JAK3: variants seen among roughly 807,000 people sequenced by gnomAD.
JAK3 encodes Janus kinase 3.
In JAK3, 88 loss-of-function variants were observed where a neutral mutation model predicts 120.8. The ratio of observed to expected loss-of-function variants is 0.73; its 90% CI spans 0.61 to 0.87. JAK3 has a LOEUF of 0.87. Ranked by LOEUF, JAK3 falls within the 40% of genes least tolerant of loss-of-function variation. JAK3 has a pLI of 0.00. For missense variants in JAK3, 1,254 were observed against 1,501.4 expected, an observed-to-expected ratio of 0.84 and a Z score of 2.72; for synonymous variants, 592 against 628.6, an observed-to-expected ratio of 0.94 and a Z score of 0.87.
chr19:17,828,225 CTTTGTTTTGTTTTGTTTTGT>C lies in JAK3; in HGVS notation c.3208-1335_3208-1316del, dbSNP rs71967621. Among the ~76,000 whole-genome samples the C allele has an allele frequency of 3.1e-3, 432 of 137,540 alleles. 3 individuals are homozygous for C. Among genetic ancestry groups the C allele is most frequent in the East Asian group, 0.015 (67 of 4,614 alleles). The allele number at this position is 137,540 out of a possible 152,430, so 90.2% of individuals were successfully genotyped here. A position where few individuals can be genotyped will look rare whatever the true frequency, so the allele number is the denominator to read the frequency against. On this transcript the variant is annotated intron_variant, in intron 23 of 23. Transcript: ENST00000458235. ...GCACTTATCACTACCATAATTTTGT[CTTTGTTTTGTTTTGTTTTGT>C]TTTGTTTTGTTTTGTTTTGTTTTGT...
Position 17,842,070 on chromosome 19 carries a change from C to A in JAK3, c.861+246G>T, listed in dbSNP as rs1471825274. On this transcript the variant is annotated intron_variant, in intron 6 of 23. Transcript: ENST00000458235. This position sits in a 1 kb window ranked among gnomAD's most constrained non-coding sequence, Gnocchi z 6.4. ...GCCTCTTAGTCTTGCCTCGTTCCAG[C>A]GCCCACCCACCCACTCCTCAACCCC... Among the ~76,000 whole-genome samples, 2 of 151,828 alleles carry A rather than the reference C, an allele frequency of 1.3e-5. No individual in the cohort carries two copies. The highest frequency in any genetic ancestry group is 2.9e-5 in the Non-Finnish European group (2 of 67,962).
chr19:17,837,935 C>T lies in JAK3; in HGVS notation c.1698G>A (p.Met566Ile). 1 of 1,614,062 alleles carries T rather than the reference C, an allele frequency of 6.2e-7. No homozygotes were observed. Reference protein sequence around the residue: ...KVMDAKHKNCMESFLEAASLM... With the variant: ...KVMDAKHKNCIESFLEAASLM... ...GTCTGGTCCACATTGCTCTCACCTC[C>T]ATGCAGTTCTTGTGCTTGGCATCCA... is the stretch of plus-strand genomic sequence containing the variant. Residue 566 changes from methionine to isoleucine, a missense_variant, in exon 12 of 24, where the codon ATG becomes ATA. Around this residue, in one of 3 missense-constraint regions of JAK3, gnomAD observed 630 missense variants for 819.8 expected, o/e 0.77. Coordinates refer to ENST00000458235, the MANE Select transcript of JAK3 (RefSeq NM_000215.4).
rs760856974 is a variant in JAK3 at position 17,827,717 on chromosome 19, T to TAAAAAA, written c.3208-813_3208-808dup. Among the ~76,000 whole-genome samples the TAAAAAA allele has an allele frequency of 1.3e-3, 99 of 77,680 alleles. 13 individuals are homozygous for TAAAAAA. Among genetic ancestry groups the TAAAAAA allele is most frequent in the African/African-American group, 1.7e-3 (29 of 16,780 alleles). 51.0% of individuals were successfully genotyped at this position (77,680 alleles called of 152,430 possible). Reference sequence around the variant, plus strand: ...CAACATGGAGAAACCCCATCTTAACTAAAAAAAAAAAAAAAAAAAAAAAAA... The same window carrying TAAAAAA: ...CAACATGGAGAAACCCCATCTTAACTAAAAAAAAAAAAAAAAAAAAAAAAAAAAAAA... On this transcript the variant is annotated intron_variant, in intron 23 of 23. Coordinates refer to ENST00000458235, the MANE Select transcript of JAK3 (RefSeq NM_000215.4).
In JAK3 at chr19:17,841,674, A is replaced by G. The variant is rs758841194; in HGVS notation, c.950T>C (p.Leu317Pro). ...GTTGTCTGTCCTGGTAACAGTGACC[A>G]GGCGGTGCTCTCCGGCCGGGCCAAC... ...PRVGPAGEHR[L>P]VTVTRTDNQI... The change falls in exon 7 of 24, where the codon CTG becomes CCG. Residue 317 changes from leucine (L) to proline (P), a missense_variant. Leu to Pro is a moderately conservative substitution (Grantham distance 98). This residue lies in a region of JAK3 where 486 missense variants were observed against 503.0 expected (regional missense o/e 0.97). Transcript: ENST00000458235. This position sits in a 1 kb window ranked among gnomAD's most constrained non-coding sequence, Gnocchi z 4.1. 1 of 1,613,998 alleles carries G rather than the reference A, an allele frequency of 6.2e-7. No individual in the cohort carries two copies.
chr19:17,830,283 C>T (rs2094211441), intron 22 of JAK3, 65 bp from the exon 23 acceptor site: 1 of 1,304,300 alleles, frequency 7.7e-7, no homozygotes, highest in South Asian at 1.3e-5. Context: ...GGAGGGGCCA[C>T]CCGTGGTGGG....
Position 17,841,329 on chromosome 19 carries a change from T to C in JAK3, c.1142+60A>G, listed in dbSNP as rs1041210664. The C allele has an allele frequency of 7.7e-5, 116 of 1,506,290 alleles. No individual in the cohort carries two copies. Among genetic ancestry groups the C allele is most frequent in the Admixed American group, 2.4e-4 (12 of 50,656 alleles). The allele number at this position is 1,506,290 out of a possible 1,614,324, so 93.3% of individuals were successfully genotyped here. A position where few individuals can be genotyped will look rare whatever the true frequency, so the allele number is the denominator to read the frequency against. ...CCTGGAAGGTGAGGACACTGAGGCA[T>C]AGAGAAGGGGAGGGGCCCTGAGTGG... On this transcript the variant is annotated intron_variant, in intron 8 of 23. Coordinates refer to ENST00000458235, the MANE Select transcript of JAK3 (RefSeq NM_000215.4). This position sits in a 1 kb window ranked among gnomAD's most constrained non-coding sequence, Gnocchi z 4.1.
rs1347294643 is a variant in JAK3, at chr19:17,842,507, C to A, written c.670G>T (p.Val224Leu). The A allele has an allele frequency of 5.6e-6, 9 of 1,596,028 alleles. No homozygotes were observed. Among genetic ancestry groups the A allele is most frequent in the East Asian group, 2.3e-5 (1 of 44,098 alleles). ...TGCCGGTCTGCCTGGCAGGCGGCCACGCGGCGCAGGGCTCTGCGCACCGTC... is the reference window on the plus strand; with the variant it reads ...TGCCGGTCTGCCTGGCAGGCGGCCAAGCGGCGCAGGGCTCTGCGCACCGTC... ...RRTVRRALRR[V>L]AACQADRHSL... Residue 224 changes from valine to leucine, a missense_variant, in exon 6 of 24, where the codon GTG becomes TTG. This residue lies in a region of JAK3 where 486 missense variants were observed against 503.0 expected (regional missense o/e 0.97). Coordinates refer to ENST00000458235, the MANE Select transcript of JAK3 (RefSeq NM_000215.4). The surrounding 1 kb of genome is among the most constrained non-coding windows in gnomAD (Gnocchi z 6.4).
Position 17,843,303 on chromosome 19 carries a change from C to T in JAK3, c.420+77G>A. On this transcript the variant is annotated intron_variant, in intron 4 of 23. Coordinates refer to ENST00000458235, the MANE Select transcript of JAK3 (RefSeq NM_000215.4). This position sits in a 1 kb window ranked among gnomAD's most constrained non-coding sequence, Gnocchi z 5.4. ...CCACAGGGAGGGTCAGACGAGGCCCCACCTGATTGCATGCCAGTCCTCATG... is the reference window on the plus strand; with the variant it reads ...CCACAGGGAGGGTCAGACGAGGCCCTACCTGATTGCATGCCAGTCCTCATG... 2 of 1,518,426 alleles carry T rather than the reference C, an allele frequency of 1.3e-6. No individual in the cohort carries two copies. Among genetic ancestry groups the T allele is most frequent in the Non-Finnish European group, 1.8e-6 (2 of 1,117,546 alleles). 94.1% of individuals were successfully genotyped at this position (1,518,426 alleles called of 1,614,324 possible).
chr19:17,826,120 A>G lies in JAK3; in HGVS notation c.*623T>C, dbSNP rs1432399889. ...AAAAAAAGCCTGGGTGCAGTGGCTC[A>G]TGCCTATTATTCCAACACTTTGGGA... On this transcript the variant is annotated 3_prime_UTR_variant, in exon 24 of 24. Coordinates refer to ENST00000458235, the MANE Select transcript of JAK3 (RefSeq NM_000215.4). 1 of 151,572 alleles carries G rather than the reference A, an allele frequency of 6.6e-6. No homozygotes were observed. Among genetic ancestry groups the G allele is most frequent in the Non-Finnish European group, 1.5e-5 (1 of 68,236 alleles). The allele number at this position is 151,572 out of a possible 1,614,324, so 9.4% of individuals were successfully genotyped here.
chr19:17,842,268 A>G lies in JAK3; in HGVS notation c.861+48T>C, dbSNP rs1297076700. 3 of 949,144 alleles carry G rather than the reference A, an allele frequency of 3.2e-6. No individual in the cohort carries two copies. The highest frequency in any genetic ancestry group is 4.4e-6 in the Non-Finnish European group (3 of 676,104). 58.8% of individuals were successfully genotyped at this position (949,144 alleles called of 1,614,324 possible). ...CCTACCACTCTCCGGCCCCTCCCCG[A>G]GCCCCGCCCCCACGTTGGCCCCGCC... On this transcript the variant is annotated intron_variant, in intron 6 of 23. Coordinates refer to ENST00000458235, the MANE Select transcript of JAK3 (RefSeq NM_000215.4). The surrounding 1 kb of genome is among the most constrained non-coding windows in gnomAD (Gnocchi z 6.4).
chr19:17,842,136 T>C lies in JAK3; in HGVS notation c.861+180A>G, dbSNP rs1599878573. On this transcript the variant is annotated intron_variant, in intron 6 of 23. Transcript: ENST00000458235. This position sits in a 1 kb window ranked among gnomAD's most constrained non-coding sequence, Gnocchi z 6.4. ...CGGGTCGCTCAGCCCAACCCTTCAC[T>C]CAGTTTGCCCCTCCCATTCCCGCAG... Among the ~76,000 whole-genome samples the C allele has an allele frequency of 7.4e-6, 1 of 135,288 alleles. No individual in the cohort carries two copies. The highest frequency in any genetic ancestry group is 7.7e-5 in the Admixed American group (1 of 12,936). 88.8% of individuals were successfully genotyped at this position (135,288 alleles called of 152,430 possible).
Position 17,841,557 on chromosome 19 carries a change from C to A in JAK3, c.985-11G>T, listed in dbSNP as rs779482299. On this transcript the variant is annotated splice_polypyrimidine_tract_variant and intron_variant, in intron 7 of 23. Transcript: ENST00000458235. The surrounding 1 kb of genome is among the most constrained non-coding windows in gnomAD (Gnocchi z 4.1). Reference sequence around the variant, plus strand: ...TGGGAACTCGGCCTCCTGCGAGGGACAAGCGTCAGAGCCCAGTGAAACCCG... The same window carrying A: ...TGGGAACTCGGCCTCCTGCGAGGGAAAAGCGTCAGAGCCCAGTGAAACCCG... 10 of 1,599,718 alleles carry A rather than the reference C, an allele frequency of 6.3e-6. No homozygotes were observed. The Admixed American group carries it at 1.1e-4, about 17-fold the overall frequency.
In JAK3 at chr19:17,841,585, G is replaced by A. The variant is rs1309329897; in HGVS notation, c.985-39C>T. On this transcript the variant is annotated intron_variant, in intron 7 of 23. Transcript: ENST00000458235. This position sits in a 1 kb window ranked among gnomAD's most constrained non-coding sequence, Gnocchi z 4.1. ...GCGTCAGAGCCCAGTGAAACCCGAGGGTGCCGGTCCCGCCCTCGGGGTAAG... is the reference window on the plus strand; with the variant it reads ...GCGTCAGAGCCCAGTGAAACCCGAGAGTGCCGGTCCCGCCCTCGGGGTAAG... 3 of 1,609,962 alleles carry A rather than the reference G, an allele frequency of 1.9e-6. No individual in the cohort carries two copies. The highest frequency in any genetic ancestry group is 2.5e-6 in the Non-Finnish European group (3 of 1,178,318).
intron 17 of JAK3, among the ~76,000 whole-genome samples, chr19:17,833,543 A>G (rs1253982368): frequency 4.9e-5 from 3 of 61,298 alleles, no homozygotes; most frequent in African/African-American, 8.6e-5. Context: ...CCCATCACAG[A>G]AAAAAAAAAA....
In JAK3 at chr19:17,843,451, G is replaced by A. The variant is rs201233697; in HGVS notation, c.349C>T (p.Arg117Cys). 11 of 1,600,120 alleles carry A rather than the reference G, an allele frequency of 6.9e-6. No homozygotes were observed. The highest frequency in any genetic ancestry group is 1.7e-4 in the Middle Eastern group (1 of 6,052). The change falls in exon 4 of 24, where the codon CGC (arginine) becomes TGC (cysteine). Residue 117 changes from arginine (R) to cysteine (C), a missense_variant. Transcript: ENST00000458235. This position sits in a 1 kb window ranked among gnomAD's most constrained non-coding sequence, Gnocchi z 5.4. Reference protein sequence around the residue: ...PNWFGLEKCHRFGLRKDLASA... With the variant: ...PNWFGLEKCHCFGLRKDLASA... ...GCCAAATCCTTGCGTAGCCCGAAGC[G>A]GTGGCACTTCTCCAGCCCAAACCAA... is the stretch of plus-strand genomic sequence containing the variant.
intron 12 of JAK3, 135 bp downstream of exon 12, chr19:17,837,797 C>G (rs1409012766): frequency 1.5e-6 from 2 of 1,298,204 alleles, no homozygotes; most frequent in African/African-American, 1.5e-5. Flanking sequence ...CCTCCTGCCT[C>G]AGCCTCCCAA....
rs200870499 is a variant in JAK3, at chr19:17,841,569, C to T, written c.985-23G>A. 1.9e-6 allele frequency: 3 copies of T among 1,603,816 alleles called. No individual in the cohort carries two copies. The highest frequency in any genetic ancestry group is 2.6e-6 in the Non-Finnish European group (3 of 1,175,368). Reference sequence around the variant, plus strand: ...CTCCTGCGAGGGACAAGCGTCAGAGCCCAGTGAAACCCGAGGGTGCCGGTC... The same window carrying T: ...CTCCTGCGAGGGACAAGCGTCAGAGTCCAGTGAAACCCGAGGGTGCCGGTC... On this transcript the variant is annotated intron_variant, in intron 7 of 23. Transcript: ENST00000458235. This position sits in a 1 kb window ranked among gnomAD's most constrained non-coding sequence, Gnocchi z 4.1.
At position 17,831,174 on chromosome 19, in the gene JAK3, G is replaced by A; in HGVS notation, c.2978+54C>T. ...GGGAGGGGGCGGGGGCATGGCTGGGGGCGGAGCCAGAGCCGTGGGGAATAG... is the reference window on the plus strand; with the variant it reads ...GGGAGGGGGCGGGGGCATGGCTGGGAGCGGAGCCAGAGCCGTGGGGAATAG... On this transcript the variant is annotated intron_variant, in intron 21 of 23. Coordinates refer to ENST00000458235, the MANE Select transcript of JAK3 (RefSeq NM_000215.4). The surrounding 1 kb of genome is among the most constrained non-coding windows in gnomAD (Gnocchi z 5.1). The A allele has an allele frequency of 6.3e-7, 1 of 1,579,316 alleles. No homozygotes were observed. The highest frequency in any genetic ancestry group is 8.6e-7 in the Non-Finnish European group (1 of 1,159,756).
chr19:17,835,921 C>T lies in JAK3; in HGVS notation c.1914+3G>A. The T allele has an allele frequency of 1.2e-6, 2 of 1,613,814 alleles. No homozygotes were observed. Among genetic ancestry groups the T allele is most frequent in the African/African-American group, 2.7e-5 (2 of 75,060 alleles). On this transcript the variant is annotated splice_donor_region_variant and intron_variant, in intron 14 of 23. Transcript: ENST00000458235. Reference sequence around the variant, plus strand: ...AGGGTGGAGCAGGCAGAGGAGCACTCACCAGATAGTTGAGGGCGTAGGCCA... The same window carrying T: ...AGGGTGGAGCAGGCAGAGGAGCACTTACCAGATAGTTGAGGGCGTAGGCCA...
Sources: gnomAD v4.1 joint callset for allele counts (sites outside exome capture counted in the v4.1 genomes callset) on GRCh38, gnomAD v4.1.1 for gene constraint, gnomAD v4.1.1 regional missense constraint, Gnocchi (gnomAD v3.1) non-coding constraint, MANE v1.5 for transcripts, NCBI Gene and HGNC (gene_info 2026-07-23, HGNC 2026-07-21) for gene names.